The following STXBP4 variants were observed in gnomAD, a reference collection of about 807,000 sequenced individuals.
STXBP4 encodes the protein syntaxin-binding protein 4.
A neutral mutation model predicts 76.1 loss-of-function variants in STXBP4; 55 were observed. The observed-to-expected ratio is 0.72, with a 90% confidence interval of 0.58 to 0.91. The LOEUF is 0.91. Ranked by LOEUF, STXBP4 falls within the 40% of genes least tolerant of loss-of-function variation. The pLI, the probability that STXBP4 is intolerant of heterozygous loss-of-function variation, is 0.00. For missense variants in STXBP4, 618 were observed against 636.9 expected (o/e 0.97, Z 0.32); for synonymous variants, 201 against 220.2 (o/e 0.91, Z 0.77).
intron 16 of STXBP4, among the ~76,000 whole-genome samples, chr17:55,125,479 CAA>C (rs10632680): frequency 4.6e-4 from 42 of 91,762 alleles, no homozygotes; most frequent in East Asian, 2.5e-3. Flanking sequence ...GGACAAAATA[CAA>C]AAAAAAAAAA....
chr17:55,059,059 T>G (rs2078966055), intron 12 of STXBP4, among the ~76,000 whole-genome samples: 1 of 152,152 alleles, frequency 6.6e-6, no homozygotes, highest in Admixed American at 6.5e-5. Context: ...CTCCATTTTA[T>G]TCTGCATCAG....
At chr17:55,124,709 T>C (rs1207651506) in intron 16 of STXBP4, among the ~76,000 whole-genome samples, 2 of 152,234 alleles carry the variant, frequency 1.3e-5, no homozygotes, top group Non-Finnish European at 2.9e-5. Flanking sequence ...CAGGCTGCCA[T>C]AACAAAATAT....
At chr17:55,196,377 T>G in the STXBP4 span, among the ~76,000 whole-genome samples, 933 of 152,328 alleles carry the variant, frequency 6.1e-3, 11 homozygotes, top group African/African-American at 0.021. Context: ...TATATTCCAC[T>G]TCCACGTACA....
intron 12 of STXBP4, among the ~76,000 whole-genome samples, chr17:55,058,276 G>A (rs1022470257): frequency 6.6e-6 from 1 of 152,088 alleles, no homozygotes; most frequent in Non-Finnish European, 1.5e-5. Context: ...TCTCATTGTG[G>A]TTTTGATTTG....
At chr17:55,047,004 T>C in intron 11 of STXBP4, 85 bp from the exon 12 acceptor site, 1 of 708,120 alleles carries the variant, frequency 1.4e-6, no homozygotes, top group Non-Finnish European at 2.4e-6. Context: ...TATTTGGGAA[T>C]ATAGGCCTTG....
chr17:55,081,976 A>G (rs1377194347), intron 16 of STXBP4, among the ~76,000 whole-genome samples: 4 of 151,816 alleles, frequency 2.6e-5, no homozygotes, highest in African/African-American at 4.8e-5. Context: ...ATGAATTTCA[A>G]CTCCCTTTTT....
intron 1 of STXBP4, among the ~76,000 whole-genome samples, chr17:54,970,826 A>G (rs959670927): frequency 6.6e-6 from 1 of 152,198 alleles, no homozygotes; most frequent in Non-Finnish European, 1.5e-5. Context: ...TAATTGCAAA[A>G]TGAAACTCTT....
At chr17:55,018,545 G>A (rs116235970) in intron 8 of STXBP4, among the ~76,000 whole-genome samples, 54 of 152,288 alleles carry the variant, frequency 3.5e-4, no homozygotes, top group Admixed American at 2.9e-3. Flanking sequence ...TCATGCATCC[G>A]TGTGAAGAGA....
chr17:55,188,652 T>C, the STXBP4 span, among the ~76,000 whole-genome samples: 4 of 152,318 alleles, frequency 2.6e-5, no homozygotes, highest in Non-Finnish European at 5.9e-5. Context: ...TGGCCACTCC[T>C]GATTTTAAAG....
At chr17:55,043,620 G>A (rs1295507416) in intron 11 of STXBP4, 4 of 1,549,530 alleles carry the variant, frequency 2.6e-6, no homozygotes, top group Non-Finnish European at 3.5e-6. Context: ...AGTGGCCAGG[G>A]CAGAATTAGA....
intron 17 of STXBP4, among the ~76,000 whole-genome samples, chr17:55,158,385 T>C (rs191790793): frequency 5.3e-5 from 8 of 152,324 alleles, no homozygotes; most frequent in African/African-American, 1.7e-4. Context: ...ATGCTGCTTC[T>C]GAGGTTGAGT....
the STXBP4 span, among the ~76,000 whole-genome samples, chr17:55,191,083 G>A: frequency 0.018 from 2,810 of 152,130 alleles, 104 homozygotes; most frequent in African/African-American, 0.064. Context: ...CAATTTTATT[G>A]GTTCTTCCCA....
chr17:55,097,423 G>C (rs561359393), intron 16 of STXBP4, among the ~76,000 whole-genome samples: 1 of 152,048 alleles, frequency 6.6e-6, no homozygotes, highest in South Asian at 2.1e-4. Flanking sequence ...CAGCACTTTG[G>C]GGGGCCAAGG....
In STXBP4 at chr17:54,977,666, G is replaced by C. The variant is rs2077491832; in HGVS notation, c.-156-7948G>C. On this transcript the variant is annotated intron_variant, in intron 1 of 17. Coordinates refer to ENST00000376352, the MANE Select transcript of STXBP4 (RefSeq NM_178509.6). ...AAAATGATCAGTTAAGTTTAGCCCA[G>C]GGAAAATAGTCATTCCTGATTTTGC... Among the ~76,000 whole-genome samples the C allele has an allele frequency of 2.0e-5, 3 of 152,100 alleles. No individual in the cohort carries two copies. The South Asian group carries it at 6.2e-4, about 32-fold the overall frequency.
At chr17:55,017,501 C>CATT (rs1432284889) in intron 8 of STXBP4, among the ~76,000 whole-genome samples, 4 of 152,160 alleles carry the variant, frequency 2.6e-5, no homozygotes, top group African/African-American at 9.7e-5. Flanking sequence ...AAGTCTGAAT[C>CATT]ATTAGTACCT....
At chr17:55,065,348 C>T (rs1420498990) in intron 12 of STXBP4, among the ~76,000 whole-genome samples, 2 of 152,012 alleles carry the variant, frequency 1.3e-5, no homozygotes, top group African/African-American at 4.8e-5. Flanking sequence ...AATTCTTGGT[C>T]AAATTCCTCC....
downstream of STXBP4, among the ~76,000 whole-genome samples, chr17:55,178,326 C>A (rs777431281): frequency 1.3e-5 from 2 of 152,146 alleles, no homozygotes; most frequent in Non-Finnish European, 2.9e-5. Context: ...CACATAAATT[C>A]AGATAAATTC....
chr17:55,124,902 AG>A (rs1448262579), intron 16 of STXBP4, among the ~76,000 whole-genome samples: 1 of 151,950 alleles, frequency 6.6e-6, no homozygotes, highest in Non-Finnish European at 1.5e-5. Flanking sequence ...CACACAGAGG[AG>A]GGGTGGGGTG....
chr17:55,127,012 A>G (rs905009952), intron 16 of STXBP4, among the ~76,000 whole-genome samples: 19 of 152,198 alleles, frequency 1.2e-4, no homozygotes, highest in African/African-American at 4.6e-4. Context: ...GATATAATTT[A>G]CATACAATAA....
Sources: allele counts gnomAD v4.1 joint callset (sites outside exome capture counted in the v4.1 genomes callset), GRCh38; gene constraint gnomAD v4.1.1; transcripts MANE v1.5; gene names NCBI Gene and HGNC (gene_info 2026-07-23, HGNC 2026-07-21).